Variants in SMG6 observed in about 807,000 individuals in gnomAD.
The protein encoded by SMG6 is SMG6 nonsense mediated mRNA decay factor, also known as telomerase-binding protein EST1A.
Under a neutral mutation model 142.2 loss-of-function variants are expected in SMG6, and 66 were observed. That is an observed-to-expected ratio of 0.46 (90% CI 0.38 to 0.57). The LOEUF (loss-of-function observed/expected upper bound fraction) is 0.57, where lower values mean the gene tolerates loss of function less well. Ranked by LOEUF, SMG6 falls within the 20% of genes least tolerant of loss-of-function variation. SMG6 has a pLI of 0.00. For missense variants in SMG6, 1,793 were observed against 1,832.0 expected (o/e 0.98, Z 0.39); for synonymous variants, 779 against 702.4 (o/e 1.11, Z -1.72).
intron 15 of SMG6, among the ~76,000 whole-genome samples, chr17:2,080,073 TCAAAA>T (rs59094023): frequency 0.13 from 18,124 of 142,784 alleles, 1,193 homozygotes; most frequent in Middle Eastern, 0.17. Flanking sequence ...AGACTCCATC[TCAAAA>T]CAAAACAAAA....
rs140250511 is a variant in SMG6, at chr17:2,188,695, T to C, written c.2870-180A>G. On this transcript the variant is annotated intron_variant, in intron 10 of 18. Coordinates refer to ENST00000263073, the MANE Select transcript of SMG6 (RefSeq NM_017575.5). ...AGCACTTACCATGAGGTCTGGCATA[T>C]GGATATGTGTTTGATAAGATGATAA... 1.6e-3 allele frequency among the ~76,000 whole-genome samples: 239 copies of C among 152,256 alleles called. 2 individuals are homozygous for C. The highest frequency in any genetic ancestry group is 5.5e-3 in the African/African-American group (230 of 41,546).
chr17:2,267,496 C>A (rs1043029406), intron 8 of SMG6, among the ~76,000 whole-genome samples: 1 of 152,058 alleles, frequency 6.6e-6, no homozygotes, highest in South Asian at 2.1e-4. Context: ...TCACTGTTCC[C>A]AGCAAGATAT....
rs573385541 is a variant in SMG6 at position 2,224,640 on chromosome 17, A to T, written c.2869+11852T>A. Among the ~76,000 whole-genome samples, 15 of 152,160 alleles carry T rather than the reference A, an allele frequency of 9.9e-5. 1 individual carries two copies. The South Asian group carries it at 3.1e-3, about 32-fold the overall frequency. ...GCCTGATGTATGTCTTATCAGGGTCACAGAAGGAGAAGAGAAAGCATGGGG... is the reference window on the plus strand; with the variant it reads ...GCCTGATGTATGTCTTATCAGGGTCTCAGAAGGAGAAGAGAAAGCATGGGG... On this transcript the variant is annotated intron_variant, in intron 10 of 18. Transcript: ENST00000263073.
chr17:2,254,224 T>A (rs1018953256), intron 8 of SMG6, among the ~76,000 whole-genome samples: 21 of 152,228 alleles, frequency 1.4e-4, no homozygotes, highest in African/African-American at 5.1e-4. Flanking sequence ...ACACGCTGTG[T>A]CTGCACTCCA....
intron 8 of SMG6, among the ~76,000 whole-genome samples, chr17:2,277,202 T>C (rs1197551830): frequency 6.9e-6 from 1 of 144,602 alleles, no homozygotes; most frequent in Non-Finnish European, 1.5e-5. Flanking sequence ...AGAGTCTCGC[T>C]GTCACCCAGG....
In SMG6 at chr17:2,086,557, G is replaced by A. The variant is rs187143577; in HGVS notation, c.3358-656C>T. Among the ~76,000 whole-genome samples, 111 of 152,304 alleles carry A rather than the reference G, an allele frequency of 7.3e-4. 1 individual carries two copies. Among genetic ancestry groups the A allele is most frequent in the African/African-American group, 2.6e-3 (106 of 41,556 alleles). On this transcript the variant is annotated intron_variant, in intron 13 of 18. Transcript: ENST00000263073. ...TCACCAAAGCTATACTCTTTCTGACGTTTACGCCAACCTGCTCCCATGTGG... is the reference window on the plus strand; with the variant it reads ...TCACCAAAGCTATACTCTTTCTGACATTTACGCCAACCTGCTCCCATGTGG...
At chr17:2,303,457 C>A in intron 1 of SMG6, 176 bp downstream of exon 1, 1 of 1,314,336 alleles carries the variant, frequency 7.6e-7, no homozygotes, top group Non-Finnish European at 9.7e-7. Context: ...GAGCCCGACC[C>A]CGCACTAACC....
chr17:2,182,359 T>C (rs7223390), intron 12 of SMG6, among the ~76,000 whole-genome samples: 54,544 of 151,910 alleles, frequency 0.36, 10,554 homozygotes, highest in African/African-American at 0.51. Context: ...GGCTTCAGCC[T>C]GGAGTGCATT....
At chr17:2,189,468 C>CA (rs1342272179) in intron 10 of SMG6, among the ~76,000 whole-genome samples, 6 of 152,198 alleles carry the variant, frequency 3.9e-5, no homozygotes, top group Non-Finnish European at 8.8e-5. Context: ...CACATACCCA[C>CA]AGGAGACAGA....
chr17:2,202,653 A>G (rs1237833299), intron 10 of SMG6, among the ~76,000 whole-genome samples: 2 of 152,236 alleles, frequency 1.3e-5, no homozygotes, highest in African/African-American at 2.4e-5. Flanking sequence ...AATTTGATAA[A>G]GAAAAGTAGA....
At chr17:2,267,396 G>A (rs182717548) in intron 8 of SMG6, among the ~76,000 whole-genome samples, 7 of 151,656 alleles carry the variant, frequency 4.6e-5, no homozygotes, top group African/African-American at 1.5e-4. Context: ...GTATCCCTAC[G>A]TTGTCAAGGC....
intron 8 of SMG6, among the ~76,000 whole-genome samples, chr17:2,267,410 T>C (rs1422199757): frequency 6.6e-6 from 1 of 151,880 alleles, no homozygotes; most frequent in African/African-American, 2.4e-5. Context: ...TCAAGGCTAG[T>C]CATGAATGAA....
chr17:2,245,448 T>A (rs1052492149), intron 8 of SMG6, among the ~76,000 whole-genome samples: 1 of 152,212 alleles, frequency 6.6e-6, no homozygotes, highest in Admixed American at 6.5e-5. Flanking sequence ...TGCAGTGGTA[T>A]GATTTCAGCT....
intron 3 of SMG6, 58 bp from the exon 4 acceptor site, chr17:2,297,411 C>T: frequency 7.6e-7 from 1 of 1,319,052 alleles, no homozygotes; most frequent in East Asian, 2.4e-5. Context: ...ACCTATCCAC[C>T]AAAAACCGGG....
chr17:2,072,746 T>C (rs2068139734), intron 15 of SMG6: 1 of 152,146 alleles, frequency 6.6e-6, no homozygotes, highest in Non-Finnish European at 1.5e-5. Flanking sequence ...TCCTTCTGCT[T>C]AGGGGCTCCC....
At chr17:2,173,499 C>T (rs531778703) in intron 12 of SMG6, among the ~76,000 whole-genome samples, 3 of 152,324 alleles carry the variant, frequency 2.0e-5, no homozygotes, top group African/African-American at 7.2e-5. Flanking sequence ...AGCGCTGTCT[C>T]AGCCATTCCA....
At chr17:2,229,586 G>C (rs1390944340) in intron 10 of SMG6, 2 of 152,102 alleles carry the variant, frequency 1.3e-5, no homozygotes, top group Non-Finnish European at 2.9e-5. Context: ...TGTCTCACAG[G>C]GCTGACAAGA....
chr17:2,215,584 G>C (rs2072992153), intron 10 of SMG6: 1 of 152,102 alleles, frequency 6.6e-6, no homozygotes, highest in South Asian at 2.1e-4. Flanking sequence ...GATGTCAACT[G>C]CATCAACATA....
intron 12 of SMG6, among the ~76,000 whole-genome samples, chr17:2,184,781 G>A (rs1377542858): frequency 2.2e-4 from 33 of 149,920 alleles, no homozygotes; most frequent in African/African-American, 7.8e-4. Flanking sequence ...CCTGGCCCAC[G>A]TGGTAAAACC....
Sources: allele counts gnomAD v4.1 joint callset (sites outside exome capture counted in the v4.1 genomes callset), GRCh38; gene constraint gnomAD v4.1.1; transcripts MANE v1.5; gene names NCBI Gene and HGNC (gene_info 2026-07-23, HGNC 2026-07-21).